RBFOX1: variants seen among roughly 807,000 people sequenced by gnomAD.
RBFOX1 encodes the protein RNA binding protein fox-1 homolog 1.
In RBFOX1, 8 loss-of-function variants were observed where a neutral mutation model predicts 57.7. That is an observed-to-expected ratio of 0.14 (90% CI 0.08 to 0.25). The LOEUF is 0.25. Ranked by LOEUF, RBFOX1 falls within the 10% of genes least tolerant of loss-of-function variation. The pLI is 1.00. For missense variants in RBFOX1, 611 were observed against 548.5 expected, an observed-to-expected ratio of 1.11 and a Z score of -1.14; for synonymous variants, 326 against 222.4, an observed-to-expected ratio of 1.47 and a Z score of -4.15.
intron 1 of RBFOX1, among the ~76,000 whole-genome samples, chr16:5,398,495 G>A (rs1272664196): frequency 6.6e-6 from 1 of 151,634 alleles, no homozygotes; most frequent in Non-Finnish European, 1.5e-5. Flanking sequence ...TGTGCTTGTG[G>A]GTGTGCATGT....
intron 3 of RBFOX1, among the ~76,000 whole-genome samples, chr16:6,952,695 G>A (rs527911433): frequency 6.6e-6 from 1 of 152,070 alleles, no homozygotes; most frequent in Non-Finnish European, 1.5e-5. Context: ...ATCCTTGGTA[G>A]GGCCGGGCAC....
intron 4 of RBFOX1, among the ~76,000 whole-genome samples, chr16:7,448,207 T>C (rs2098823448): frequency 1.3e-5 from 2 of 152,340 alleles, no homozygotes; most frequent in Middle Eastern, 3.4e-3. Flanking sequence ...CAGAAACTTA[T>C]TCTCTTAGTT....
chr16:6,368,769 G>T (rs1247209178), intron 2 of RBFOX1, among the ~76,000 whole-genome samples: 2 of 152,212 alleles, frequency 1.3e-5, no homozygotes, highest in Non-Finnish European at 2.9e-5. Flanking sequence ...AGGTAAGAGA[G>T]GAAGAGCCCA....
intron 3 of RBFOX1, among the ~76,000 whole-genome samples, chr16:5,667,820 C>G (rs1208262195): frequency 1.3e-5 from 2 of 152,128 alleles, no homozygotes; most frequent in African/African-American, 4.8e-5. Context: ...CCCAGGTTCA[C>G]CAAGAGGATA....
At chr16:7,278,499 C>G (rs1481744964) in intron 4 of RBFOX1, among the ~76,000 whole-genome samples, 1 of 152,130 alleles carries the variant, frequency 6.6e-6, no homozygotes, top group Non-Finnish European at 1.5e-5. Context: ...TCCAATATTA[C>G]CAGCATACCT....
chr16:7,542,092 C>T (rs1033084774), intron 5 of RBFOX1, among the ~76,000 whole-genome samples: 19 of 152,070 alleles, frequency 1.2e-4, no homozygotes, highest in African/African-American at 4.1e-4. Flanking sequence ...GCAGCAGTTC[C>T]CTGTTAGGAA....
At chr16:5,763,679 A>G (rs914821748) in intron 3 of RBFOX1, among the ~76,000 whole-genome samples, 2 of 152,230 alleles carry the variant, frequency 1.3e-5, no homozygotes, top group African/African-American at 4.8e-5. Flanking sequence ...GAAAACTTGG[A>G]TTTGAAAAGC....
chr16:6,661,998 A>T (rs2098704407), intron 3 of RBFOX1, among the ~76,000 whole-genome samples: 1 of 152,208 alleles, frequency 6.6e-6, no homozygotes, highest in Non-Finnish European at 1.5e-5. Context: ...AGATGAACCT[A>T]GAGGACATTA....
At chr16:5,326,391 C>A (rs1434421966) in intron 1 of RBFOX1, among the ~76,000 whole-genome samples, 1 of 152,184 alleles carries the variant, frequency 6.6e-6, no homozygotes, top group African/African-American at 2.4e-5. Context: ...TCCAAGTCCC[C>A]TTCTACTATT....
chr16:5,496,411 G>C (rs1320142012), intron 2 of RBFOX1, among the ~76,000 whole-genome samples: 2 of 151,978 alleles, frequency 1.3e-5, no homozygotes, highest in Non-Finnish European at 2.9e-5. Context: ...TACATGCCCA[G>C]CTCCTTCTCA....
chr16:7,077,271 C>A (rs758366695), intron 4 of RBFOX1, among the ~76,000 whole-genome samples: 2 of 152,202 alleles, frequency 1.3e-5, no homozygotes, highest in African/African-American at 4.8e-5. Context: ...GTACTGTTAG[C>A]CCCACTGTCT....
At chr16:5,314,090 T>G (rs1167378679) in intron 1 of RBFOX1, among the ~76,000 whole-genome samples, 1 of 152,264 alleles carries the variant, frequency 6.6e-6, no homozygotes, top group Non-Finnish European at 1.5e-5. Flanking sequence ...TTCCAAGTTT[T>G]ATCTCATGAG....
intron 4 of RBFOX1, among the ~76,000 whole-genome samples, chr16:7,197,640 C>G (rs903055693): frequency 2.0e-5 from 3 of 152,134 alleles, no homozygotes; most frequent in African/African-American, 7.2e-5. Flanking sequence ...TTCATCACAG[C>G]ATTATCCACA....
At chr16:6,636,249 C>T (rs897525995) in intron 2 of RBFOX1, among the ~76,000 whole-genome samples, 1 of 152,172 alleles carries the variant, frequency 6.6e-6, no homozygotes, top group Non-Finnish European at 1.5e-5. Flanking sequence ...CGGCTCACTG[C>T]AAGCTCTGCC....
intron 5 of RBFOX1, among the ~76,000 whole-genome samples, chr16:7,521,245 G>C (rs74010546): frequency 0.031 from 4,753 of 152,250 alleles, 213 homozygotes; most frequent in African/African-American, 0.11. Context: ...AGTATGTTTT[G>C]GGCATGATGA....
In RBFOX1 at chr16:7,024,805, C is replaced by G. The variant is rs188455996; in HGVS notation, c.-15-27252C>G. On this transcript the variant is annotated intron_variant, in intron 3 of 15. Coordinates refer to ENST00000550418, the MANE Select transcript of RBFOX1 (RefSeq NM_018723.4). The stretch of plus-strand genomic sequence containing the variant: ...CCATTCCCTGCAATTCCCTCTGGAC[C>G]CTGTTGGATGTTAACCACGATGGTT... Among the ~76,000 whole-genome samples, 173 of 152,230 alleles carry G rather than the reference C, an allele frequency of 1.1e-3. 1 individual carries two copies. In the Middle Eastern group the frequency reaches 0.014, roughly 12 times the overall value.
In RBFOX1 at chr16:6,216,401, C is replaced by T. The variant is rs115621881; in HGVS notation, c.-126-100594C>T. 4.5e-3 allele frequency among the ~76,000 whole-genome samples: 684 copies of T among 152,270 alleles called. 7 individuals carry two copies. Among genetic ancestry groups the T allele is most frequent in the African/African-American group, 0.016 (655 of 41,564 alleles). On this transcript the variant is annotated intron_variant, in intron 1 of 15. Coordinates refer to ENST00000550418, the MANE Select transcript of RBFOX1 (RefSeq NM_018723.4). ...AACAGGCATGAGACCATCACGATGG[C>T]TGAAAGAACAGATTCTAGTTAATAG...
rs145176430 is a variant in RBFOX1, at chr16:5,665,283, A to G, written c.318+66322A>G. On this transcript the variant is annotated intron_variant, in intron 3 of 19. Coordinates refer to the RBFOX1 transcript ENST00000641259. ...TTTCTGTCTCAGAGCCTTTGCATCC[A>G]TGTCCCCTCTGCCCCAAATAGTCTG... is the stretch of plus-strand genomic sequence containing the variant. Among the ~76,000 whole-genome samples the G allele has an allele frequency of 7.1e-3, 1,080 of 152,100 alleles. 11 individuals carry two copies. The highest frequency in any genetic ancestry group is 0.024 in the African/African-American group (1,015 of 41,482).
intron 3 of RBFOX1, among the ~76,000 whole-genome samples, chr16:5,760,389 T>C (rs3910450): frequency 0.49 from 73,736 of 151,930 alleles, 19,043 homozygotes; most frequent in African/African-American, 0.65. Context: ...TATATACATA[T>C]ACATACACAC....
Sources: allele counts gnomAD v4.1 joint callset (sites outside exome capture counted in the v4.1 genomes callset), GRCh38; gene constraint gnomAD v4.1.1; transcripts MANE v1.5; gene names NCBI Gene and HGNC (gene_info 2026-07-23, HGNC 2026-07-21).